The following CRTC1 variants were observed in gnomAD, a reference collection of about 807,000 sequenced individuals.
The protein encoded by CRTC1 is CREB regulated transcription coactivator 1.
In CRTC1, 18 loss-of-function variants were observed where a neutral mutation model predicts 66.1. The ratio of observed to expected loss-of-function variants is 0.27; its 90% CI spans 0.19 to 0.40. The LOEUF (loss-of-function observed/expected upper bound fraction) is 0.40. Ranked by LOEUF, CRTC1 falls within the 10% of genes least tolerant of loss-of-function variation. CRTC1 has a pLI of 1.00. For missense variants in CRTC1, 669 were observed against 887.9 expected (o/e 0.75, Z 3.13); for synonymous variants, 416 against 398.8 (o/e 1.04, Z -0.51).
At chr19:18,727,470 A>C (rs971457983) in intron 1 of CRTC1, among the ~76,000 whole-genome samples, 1 of 148,322 alleles carries the variant, frequency 6.7e-6, no homozygotes, top group East Asian at 2.1e-4. Context: ...AGTCCCAGCT[A>C]TGTGGGAGGC....
chr19:18,773,491 A>G (rs2054915912), intron 11 of CRTC1, among the ~76,000 whole-genome samples: 1 of 151,996 alleles, frequency 6.6e-6, no homozygotes, highest in Non-Finnish European at 1.5e-5. Context: ...GCCCTCAGGG[A>G]CAGGATCAGG....
intron 1 of CRTC1, among the ~76,000 whole-genome samples, chr19:18,697,508 C>T (rs1173703896): frequency 6.6e-6 from 1 of 152,212 alleles, no homozygotes. Flanking sequence ...TGGGGTTTCA[C>T]CATGTTGGCC....
intron 8 of CRTC1, among the ~76,000 whole-genome samples, chr19:18,761,241 A>G (rs1045588736): frequency 6.6e-6 from 1 of 152,140 alleles, no homozygotes; most frequent in African/African-American, 2.4e-5. Flanking sequence ...GCCCTGGCCC[A>G]CGTTGCTGCT....
intron 1 of CRTC1, among the ~76,000 whole-genome samples, chr19:18,695,720 C>T (rs1456093543): frequency 6.6e-6 from 1 of 152,098 alleles, no homozygotes; most frequent in Non-Finnish European, 1.5e-5. Flanking sequence ...GGAAAATTGG[C>T]TGGGCGTGGT....
intron 8 of CRTC1, among the ~76,000 whole-genome samples, chr19:18,764,846 G>A (rs1409910236): frequency 6.6e-6 from 1 of 152,178 alleles, no homozygotes; most frequent in Non-Finnish European, 1.5e-5. Context: ...AGGAGGGCAA[G>A]ATCCACGAGG....
intron 1 of CRTC1, among the ~76,000 whole-genome samples, chr19:18,686,913 G>A (rs1338894471): frequency 2.6e-5 from 4 of 152,012 alleles, no homozygotes; most frequent in Non-Finnish European, 5.9e-5. Context: ...GTGGGTGGAG[G>A]CTGGGATGCT....
At position 18,782,031 on chromosome 19, in the gene CRTC1, C is replaced by G. The variant is rs2055112775; in HGVS notation, c.*4649C>G. ...CCAAAGTCCACTGGCCCTGCCGTGC[C>G]CCTGAGTAGGAAACTGTCCCCTAGG... is the stretch of plus-strand genomic sequence containing the variant. On this transcript the variant is annotated 3_prime_UTR_variant, in exon 14 of 14. Transcript: ENST00000321949. The G allele has an allele frequency of 2.2e-5, 5 of 228,694 alleles. No individual in the cohort carries two copies. The Admixed American group carries it at 2.3e-4, about 10-fold the overall frequency. The allele number at this position is 228,694 out of a possible 1,614,324, so 14.2% of individuals were successfully genotyped here.
chr19:18,705,746 A>T (rs1373031684), intron 1 of CRTC1, among the ~76,000 whole-genome samples: 2 of 152,028 alleles, frequency 1.3e-5, no homozygotes, highest in African/African-American at 4.8e-5. Flanking sequence ...TTATTTTCTG[A>T]TTTTTTGATA....
intron 8 of CRTC1, among the ~76,000 whole-genome samples, chr19:18,761,264 G>A (rs1055680623): frequency 5.3e-5 from 8 of 152,200 alleles, no homozygotes; most frequent in African/African-American, 1.9e-4. Context: ...GTCCTTAGCT[G>A]TTGCCTGCGT....
intron 1 of CRTC1, among the ~76,000 whole-genome samples, chr19:18,719,234 C>T (rs1008949060): frequency 1.3e-5 from 2 of 152,216 alleles, no homozygotes; most frequent in South Asian, 2.1e-4. Flanking sequence ...TTCCCTGCAT[C>T]GTGTGTGTCT....
At chr19:18,769,132 C>T (rs900327115) in intron 10 of CRTC1, among the ~76,000 whole-genome samples, 1 of 152,236 alleles carries the variant, frequency 6.6e-6, no homozygotes, top group Non-Finnish European at 1.5e-5. Flanking sequence ...GTACGGCGTT[C>T]TCAGGGCCAG....
At chr19:18,701,382 C>T (rs781625749) in intron 1 of CRTC1, among the ~76,000 whole-genome samples, 2 of 152,256 alleles carry the variant, frequency 1.3e-5, no homozygotes, top group Non-Finnish European at 2.9e-5. Context: ...TGTCTGGCCC[C>T]GTGCCCGGCC....
chr19:18,744,917 A>G (rs2145737295), intron 2 of CRTC1, among the ~76,000 whole-genome samples: 1 of 152,060 alleles, frequency 6.6e-6, no homozygotes, highest in East Asian at 1.9e-4. Flanking sequence ...TGGAGAGGAG[A>G]CTCACTTTAG....
intron 1 of CRTC1, among the ~76,000 whole-genome samples, chr19:18,740,527 G>A (rs904208858): frequency 6.6e-6 from 1 of 152,162 alleles, no homozygotes. Context: ...ACCACAGTGT[G>A]AGCAGACTCT....
chr19:18,686,304 T>A (rs2052682624), intron 1 of CRTC1, among the ~76,000 whole-genome samples: 1 of 152,230 alleles, frequency 6.6e-6, no homozygotes, highest in Non-Finnish European at 1.5e-5. Flanking sequence ...TAATATTCCG[T>A]TGTATGGATA....
chr19:18,764,744 G>A (rs777086462), intron 8 of CRTC1, among the ~76,000 whole-genome samples: 35 of 152,210 alleles, frequency 2.3e-4, no homozygotes, highest in Admixed American at 3.9e-4. Flanking sequence ...CCAGGTCTGG[G>A]GAGGAGGAAG....
intron 1 of CRTC1, among the ~76,000 whole-genome samples, chr19:18,734,675 C>T (rs377207152): frequency 7.4e-4 from 112 of 152,302 alleles, no homozygotes; most frequent in African/African-American, 2.5e-3. Flanking sequence ...AAGACCCTGT[C>T]GCAAATAAAA....
intron 1 of CRTC1, among the ~76,000 whole-genome samples, chr19:18,702,083 C>A (rs367821331): frequency 9.2e-5 from 14 of 151,588 alleles, no homozygotes; most frequent in African/African-American, 3.1e-4. Context: ...ACCACCACAC[C>A]CGGCTAATTT....
Position 18,740,394 on chromosome 19 carries a change from G to A in CRTC1, c.127-2516G>A, listed in dbSNP as rs78566088. Among the ~76,000 whole-genome samples the A allele has an allele frequency of 2.5e-3, 380 of 152,264 alleles. 5 individuals are homozygous for A. Among genetic ancestry groups the A allele is most frequent in the African/African-American group, 8.5e-3 (352 of 41,568 alleles). On this transcript the variant is annotated intron_variant, in intron 1 of 13. Transcript: ENST00000321949. ...CACTGCCAGCCGCAGAAGCTCCCCT[G>A]GCCTGCATGTCCAGGGTCTGTACTG... is the stretch of plus-strand genomic sequence containing the variant.
Sources: gnomAD v4.1 joint callset for allele counts (sites outside exome capture counted in the v4.1 genomes callset) on GRCh38, gnomAD v4.1.1 for gene constraint, MANE v1.5 for transcripts, NCBI Gene and HGNC (gene_info 2026-07-23, HGNC 2026-07-21) for gene names.